Variants in USP10 observed in about 807,000 individuals in gnomAD.
USP10 encodes ubiquitin carboxyl-terminal hydrolase 10.
In USP10, 22 loss-of-function variants were observed where a neutral mutation model predicts 84.5. The ratio of observed to expected loss-of-function variants is 0.26; its 90% CI spans 0.19 to 0.37. The LOEUF is 0.37. USP10 is among the 10% of genes least tolerant of loss of function. The pLI is 1.00. For missense variants in USP10, 1,019 were observed against 998.9 expected (o/e 1.02, Z -0.27); for synonymous variants, 454 against 387.6 (o/e 1.17, Z -2.01).
chr16:84,748,799 T>C (rs1911557867), intron 4 of USP10, among the ~76,000 whole-genome samples: 1 of 152,228 alleles, frequency 6.6e-6, no homozygotes. Flanking sequence ...TAAAGTCTAA[T>C]TGAAGTAGCT....
intron 1 of USP10, among the ~76,000 whole-genome samples, chr16:84,722,065 C>G (rs745544917): frequency 2.0e-5 from 3 of 152,220 alleles, no homozygotes; most frequent in Non-Finnish European, 2.9e-5. Context: ...TAGAACATTT[C>G]CATTGCTCAG....
intron 4 of USP10, among the ~76,000 whole-genome samples, chr16:84,750,430 T>G (rs1188983716): frequency 6.8e-6 from 1 of 146,872 alleles, no homozygotes; most frequent in Non-Finnish European, 1.5e-5. Context: ...AACCCAAAAC[T>G]TAATAGCTTG....
chr16:84,704,068 A>C (rs1905199532), intron 1 of USP10, among the ~76,000 whole-genome samples: 1 of 152,262 alleles, frequency 6.6e-6, no homozygotes. Flanking sequence ...GGCACGTTGC[A>C]CTGTGCTGTG....
At chr16:84,740,153 T>G (rs1910457280) in intron 2 of USP10, among the ~76,000 whole-genome samples, 156 bp from the exon 3 acceptor site, 1 of 152,268 alleles carries the variant, frequency 6.6e-6, no homozygotes, top group South Asian at 2.1e-4. Flanking sequence ...ATGATTTAGA[T>G]TGCACTGACT....
chr16:84,775,255 C>G, intron 13 of USP10, 30 bp downstream of exon 13: 2 of 1,602,470 alleles, frequency 1.2e-6, no homozygotes, highest in Non-Finnish European at 1.7e-6. Flanking sequence ...ATTACTTCTT[C>G]ATTAAAACAC....
chr16:84,721,075 G>T (rs1907744746), intron 1 of USP10, among the ~76,000 whole-genome samples: 1 of 151,442 alleles, frequency 6.6e-6, no homozygotes, highest in Non-Finnish European at 1.5e-5. Context: ...TGTATTTTTA[G>T]TAAAGACGGG....
chr16:84,702,247 G>A (rs555989417), intron 1 of USP10, among the ~76,000 whole-genome samples: 6 of 151,654 alleles, frequency 4.0e-5, no homozygotes, highest in East Asian at 3.9e-4. Flanking sequence ...TATTAAAGAC[G>A]GGTTTCACCA....
chr16:84,728,434 G>A (rs909675709), intron 1 of USP10, among the ~76,000 whole-genome samples: 2 of 151,608 alleles, frequency 1.3e-5, no homozygotes, highest in Non-Finnish European at 2.9e-5. Flanking sequence ...CTGCCTCCCC[G>A]GTTCAAGCGA....
intron 4 of USP10, among the ~76,000 whole-genome samples, chr16:84,748,031 G>A (rs995824915): frequency 6.6e-6 from 1 of 151,098 alleles, no homozygotes; most frequent in African/African-American, 2.4e-5. Flanking sequence ...GCGGGCGCCT[G>A]TAGTCCCAGC....
intron 11 of USP10, among the ~76,000 whole-genome samples, chr16:84,772,239 C>T (rs769389801): frequency 1.2e-4 from 19 of 152,032 alleles, no homozygotes; most frequent in South Asian, 4.1e-4. Flanking sequence ...TTAGTAGAGA[C>T]GGGATTTCAC....
At chr16:84,704,862 T>C (rs1434432196) in intron 1 of USP10, 3 of 1,535,610 alleles carry the variant, frequency 2.0e-6, no homozygotes, top group South Asian at 2.4e-5. Flanking sequence ...ATAGGGCAGG[T>C]AAGGTGTTGA....
At chr16:84,765,781 C>T (rs921287940) in intron 10 of USP10, among the ~76,000 whole-genome samples, 4 of 152,154 alleles carry the variant, frequency 2.6e-5, no homozygotes, top group African/African-American at 7.2e-5. Flanking sequence ...CAGACAGACC[C>T]GTGACTGGGC....
chr16:84,773,012 G>A (rs1914614521), intron 12 of USP10, among the ~76,000 whole-genome samples: 1 of 152,170 alleles, frequency 6.6e-6, no homozygotes, highest in Non-Finnish European at 1.5e-5. Context: ...AGTATTAACA[G>A]CTGTGTTGAC....
chr16:84,726,285 C>T (rs1036053758), intron 1 of USP10, among the ~76,000 whole-genome samples: 3 of 152,256 alleles, frequency 2.0e-5, no homozygotes, highest in Non-Finnish European at 2.9e-5. Context: ...GCAGTTCCGG[C>T]GGGAGAGCTG....
chr16:84,762,286 C>T (rs997781803), intron 8 of USP10, among the ~76,000 whole-genome samples: 1 of 152,204 alleles, frequency 6.6e-6, no homozygotes, highest in African/African-American at 2.4e-5. Context: ...GCTCATTGCT[C>T]GAGTGGTGAC....
rs368340915 is a variant in USP10 at position 84,740,381 on chromosome 16, C to A, written c.151+12C>A. The A allele has an allele frequency of 1.2e-6, 2 of 1,610,594 alleles. No homozygotes were observed. The highest frequency in any genetic ancestry group is 2.7e-5 in the African/African-American group (2 of 74,870). ...TAAACTACCTGATGGTAAGCTAGTT[C>A]TCTCCTTATTTCCCTGAAGGGAATT... On this transcript the variant is annotated intron_variant, in intron 3 of 13. Transcript: ENST00000219473.
At chr16:84,750,635 A>G (rs1186808923) in intron 4 of USP10, among the ~76,000 whole-genome samples, 2 of 152,208 alleles carry the variant, frequency 1.3e-5, no homozygotes, top group Admixed American at 6.5e-5. Context: ...AACATTCCTC[A>G]TATACTAGAC....
At chr16:84,712,460 TTGTC>T (rs1185107335) in intron 1 of USP10, among the ~76,000 whole-genome samples, 5 of 152,206 alleles carry the variant, frequency 3.3e-5, no homozygotes, top group African/African-American at 1.2e-4. Context: ...ACTCAGGTGT[TTGTC>T]TGTTGGATCG....
chr16:84,724,968 G>C (rs1300732969), intron 1 of USP10, among the ~76,000 whole-genome samples: 1 of 152,132 alleles, frequency 6.6e-6, no homozygotes, highest in Non-Finnish European at 1.5e-5. Flanking sequence ...GATTCATAAA[G>C]CCTAGTAAAG....
Sources: gnomAD v4.1 joint callset for allele counts (sites outside exome capture counted in the v4.1 genomes callset) on GRCh38, gnomAD v4.1.1 for gene constraint, MANE v1.5 for transcripts, NCBI Gene and HGNC (gene_info 2026-07-23, HGNC 2026-07-21) for gene names.